Variants in KCNQ5 observed in about 807,000 individuals in gnomAD.
The protein encoded by KCNQ5 is potassium voltage-gated channel subfamily Q member 5, also known as potassium voltage-gated channel subfamily KQT member 5.
Under a neutral mutation model 98.2 loss-of-function variants are expected in KCNQ5, and 30 were observed. That is an observed-to-expected ratio of 0.31 (90% CI 0.23 to 0.41). KCNQ5 has a LOEUF of 0.41. Among genes scored for constraint, KCNQ5 ranks in the 10% least tolerant of loss-of-function variants. The pLI is 1.00. For synonymous variants in KCNQ5, 458 were observed against 449.4 expected, an observed-to-expected ratio of 1.02 and a Z score of -0.24; for missense variants, 835 against 1,182.5, an observed-to-expected ratio of 0.71 and a Z score of 4.31.
chr6:73,081,046 G>A (rs1388459071), intron 5 of KCNQ5, among the ~76,000 whole-genome samples: 1 of 152,208 alleles, frequency 6.6e-6, no homozygotes, highest in Admixed American at 6.5e-5. Flanking sequence ...TCAAATATGA[G>A]AGCTATTGTT....
chr6:73,068,698 G>A (rs377694545), intron 3 of KCNQ5, among the ~76,000 whole-genome samples: 1 of 152,064 alleles, frequency 6.6e-6, no homozygotes, highest in Admixed American at 6.6e-5. Context: ...GCTCTGGAAG[G>A]GATATAGCAT....
At chr6:72,721,238 A>G (rs1192840481) in intron 1 of KCNQ5, among the ~76,000 whole-genome samples, 2 of 152,176 alleles carry the variant, frequency 1.3e-5, no homozygotes, top group Non-Finnish European at 2.9e-5. Context: ...AGTCAGTGAG[A>G]TGTGCAGTTC....
intron 1 of KCNQ5, among the ~76,000 whole-genome samples, chr6:72,651,208 G>A (rs1765860163): frequency 6.6e-6 from 1 of 152,000 alleles, no homozygotes; most frequent in South Asian, 2.1e-4. Flanking sequence ...CTAAGTGTAG[G>A]AGCAGTACTT....
chr6:72,841,132 C>T (rs1776770819), intron 1 of KCNQ5, among the ~76,000 whole-genome samples: 1 of 152,188 alleles, frequency 6.6e-6, no homozygotes, highest in African/African-American at 2.4e-5. Context: ...GCCATGACTG[C>T]AAGCTAAATC....
chr6:72,811,001 T>C (rs1471506858), intron 1 of KCNQ5, among the ~76,000 whole-genome samples: 1 of 152,236 alleles, frequency 6.6e-6, no homozygotes, highest in Non-Finnish European at 1.5e-5. Flanking sequence ...ATGAGGTTGA[T>C]TTCCATGTGT....
At chr6:72,645,477 GA>G (rs1765552238) in intron 1 of KCNQ5, among the ~76,000 whole-genome samples, 1 of 151,678 alleles carries the variant, frequency 6.6e-6, no homozygotes, top group South Asian at 2.1e-4. Context: ...CAGGTTGCCA[GA>G]ATGGAAGTTT....
rs11266961 is a variant in KCNQ5, at chr6:72,941,666, CTCTTTCTTTCTTTCTT to C, written c.399-62172_399-62157del. ...TCCCCACCCGCACCTCCCTCCCCATCTCTTTCTTTCTTTCTTTCTTTCTTTCTTTCTTTCTTTCTTT... is the reference window on the plus strand; with the variant it reads ...TCCCCACCCGCACCTCCCTCCCCATCTCTTTCTTTCTTTCTTTCTTTCTTT... On this transcript the variant is annotated intron_variant, in intron 1 of 13. Coordinates refer to ENST00000370398, the MANE Select transcript of KCNQ5 (RefSeq NM_019842.4). Among the ~76,000 whole-genome samples, 40 of 83,152 alleles carry C rather than the reference CTCTTTCTTTCTTTCTT, an allele frequency of 4.8e-4. 1 individual carries two copies. The highest frequency in any genetic ancestry group is 1.7e-3 in the African/African-American group (34 of 20,436). The allele number at this position is 83,152 out of a possible 152,430, so 54.6% of individuals were successfully genotyped here.
intron 1 of KCNQ5, among the ~76,000 whole-genome samples, chr6:72,634,667 G>A: frequency 6.6e-6 from 1 of 152,162 alleles, no homozygotes; most frequent in South Asian, 2.1e-4. Context: ...CCAGGTTCAA[G>A]CAATTCTCCT....
chr6:72,970,447 T>C (rs1767831969), intron 1 of KCNQ5, among the ~76,000 whole-genome samples: 1 of 152,202 alleles, frequency 6.6e-6, no homozygotes, highest in Admixed American at 6.5e-5. Context: ...TCAATGCTGA[T>C]ACAATAATCT....
chr6:72,832,081 G>A (rs1379760123), intron 1 of KCNQ5, among the ~76,000 whole-genome samples: 1 of 152,170 alleles, frequency 6.6e-6, no homozygotes, highest in Non-Finnish European at 1.5e-5. Context: ...TATCCAGCAG[G>A]TAGCAGGAAA....
chr6:72,623,741 A>G (rs1410639614), intron 1 of KCNQ5, among the ~76,000 whole-genome samples: 4 of 152,270 alleles, frequency 2.6e-5, no homozygotes, highest in African/African-American at 4.8e-5. Context: ...TTAGAAGACC[A>G]GTAGAGAAAG....
intron 1 of KCNQ5, among the ~76,000 whole-genome samples, chr6:72,682,368 T>G (rs1434465435): frequency 1.3e-5 from 2 of 152,230 alleles, no homozygotes; most frequent in African/African-American, 4.8e-5. Flanking sequence ...GTACTGGAAG[T>G]GATAATATTC....
intron 1 of KCNQ5, among the ~76,000 whole-genome samples, chr6:72,777,043 G>T (rs1022814006): frequency 6.6e-6 from 1 of 152,188 alleles, no homozygotes. Context: ...ATAATGTGTT[G>T]TGAAGAGCTC....
chr6:73,004,046 G>A, intron 2 of KCNQ5, 48 bp downstream of exon 2: 1 of 1,071,890 alleles, frequency 9.3e-7, no homozygotes, highest in Non-Finnish European at 1.4e-6. Flanking sequence ...TATAAGAACT[G>A]CCTATAACAT....
At chr6:72,895,762 G>A (rs921950019) in intron 1 of KCNQ5, among the ~76,000 whole-genome samples, 7 of 150,994 alleles carry the variant, frequency 4.6e-5, no homozygotes, top group Non-Finnish European at 1.0e-4. Context: ...TAATGTTTAT[G>A]TATATTAAAA....
chr6:72,624,872 TG>T (rs2098917277), intron 1 of KCNQ5, among the ~76,000 whole-genome samples: 1 of 152,222 alleles, frequency 6.6e-6, no homozygotes, highest in Non-Finnish European at 1.5e-5. Context: ...TTGCTGCTTG[TG>T]ATTTTAAATG....
chr6:72,980,870 G>GTTTTTAGCATGAAGC (rs1768407424), intron 1 of KCNQ5, among the ~76,000 whole-genome samples: 1 of 152,068 alleles, frequency 6.6e-6, no homozygotes, highest in Admixed American at 6.5e-5. Flanking sequence ...TTTATTGAGA[G>GTTTTTAGCATGAAGC]GGCTGTTGAA....
At chr6:72,918,082 G>A (rs1370933255) in intron 1 of KCNQ5, among the ~76,000 whole-genome samples, 1 of 152,106 alleles carries the variant, frequency 6.6e-6, no homozygotes, top group African/African-American at 2.4e-5. Context: ...GAGGGCCAGG[G>A]GGAACAGACT....
chr6:72,665,978 G>A (rs926170262), intron 1 of KCNQ5, among the ~76,000 whole-genome samples: 2 of 152,084 alleles, frequency 1.3e-5, no homozygotes, highest in African/African-American at 4.8e-5. Flanking sequence ...ACTACTCTTG[G>A]CTTCTCATGA....
Sources: gnomAD v4.1 joint callset for allele counts (sites outside exome capture counted in the v4.1 genomes callset) on GRCh38, gnomAD v4.1.1 for gene constraint, MANE v1.5 for transcripts, NCBI Gene and HGNC (gene_info 2026-07-23, HGNC 2026-07-21) for gene names.